Variants in EYA4 observed in about 807,000 individuals in gnomAD.
EYA4 encodes the protein EYA transcriptional coactivator and phosphatase 4, also known as protein phosphatase EYA4.
Under a neutral mutation model 87.9 loss-of-function variants are expected in EYA4, and 31 were observed. The ratio of observed to expected loss-of-function variants is 0.35; its 90% CI spans 0.27 to 0.48. The LOEUF is 0.48. Ranked by LOEUF, EYA4 falls within the 20% of genes least tolerant of loss-of-function variation. The pLI is 0.99. For missense variants in EYA4, 678 were observed against 761.4 expected, an observed-to-expected ratio of 0.89 and a Z score of 1.29; for synonymous variants, 263 against 270.6, an observed-to-expected ratio of 0.97 and a Z score of 0.28.
At chr6:133,298,782 G>T (rs184069529) in intron 2 of EYA4, among the ~76,000 whole-genome samples, 2 of 152,158 alleles carry the variant, frequency 1.3e-5, no homozygotes, top group East Asian at 3.8e-4. Flanking sequence ...AGGTCGGACC[G>T]TGTGAAACTG....
chr6:133,330,728 C>G (rs1781875274), intron 2 of EYA4, among the ~76,000 whole-genome samples: 1 of 151,816 alleles, frequency 6.6e-6, no homozygotes, highest in Non-Finnish European at 1.5e-5. Flanking sequence ...CCAGATTTGT[C>G]CCAAGTAAAT....
In EYA4 at chr6:133,359,279, C is replaced by T. The variant is rs1402006936; in HGVS notation, c.34-23113C>T. Among the ~76,000 whole-genome samples the T allele has an allele frequency of 2.6e-5, 4 of 152,144 alleles. No homozygotes were observed. The East Asian group carries it at 7.7e-4, about 29-fold the overall frequency. The stretch of plus-strand genomic sequence containing the variant: ...GGATGAAAGCTCCAGCCTCCTTTGA[C>T]CCCTAGTCCTAGGCTCTTTGTGCTG... On this transcript the variant is annotated intron_variant, in intron 2 of 19. Transcript: ENST00000355286.
At chr6:133,258,835 C>T (rs929985325) in intron 1 of EYA4, among the ~76,000 whole-genome samples, 7 of 152,112 alleles carry the variant, frequency 4.6e-5, no homozygotes, top group Non-Finnish European at 7.4e-5. Flanking sequence ...GTAGCTTAAA[C>T]GTTAGTCTTT....
At chr6:133,389,127 C>T (rs1352350201) in intron 3 of EYA4, among the ~76,000 whole-genome samples, 1 of 152,122 alleles carries the variant, frequency 6.6e-6, no homozygotes, top group Non-Finnish European at 1.5e-5. Flanking sequence ...CAGCACTCTC[C>T]CCTTCTCTAA....
chr6:133,272,386 C>A (rs1181201705), intron 1 of EYA4, among the ~76,000 whole-genome samples: 1 of 152,194 alleles, frequency 6.6e-6, no homozygotes, highest in African/African-American at 2.4e-5. Context: ...CCTTCAGGAC[C>A]TGCTCAAACC....
Position 133,531,498 on chromosome 6 carries a change from C to T in EYA4, c.*2693C>T, listed in dbSNP as rs1801007539. ...AACCAGTTTGAAAAATGTTCTGTAA[C>T]TAAAGTGGGTTTTCGGCTATTATGT... On this transcript the variant is annotated 3_prime_UTR_variant, in exon 20 of 20. Transcript: ENST00000355286. The T allele has an allele frequency of 2.2e-6, 1 of 458,312 alleles. No homozygotes were observed. Among genetic ancestry groups the T allele is most frequent in the Non-Finnish European group, 3.9e-6 (1 of 257,632 alleles). 28.4% of individuals were successfully genotyped at this position (458,312 alleles called of 1,614,324 possible). A position where few individuals can be genotyped will look rare whatever the true frequency, so the allele number is the denominator to read the frequency against.
chr6:133,414,051 G>C (rs2128547098), intron 3 of EYA4, among the ~76,000 whole-genome samples: 1 of 152,182 alleles, frequency 6.6e-6, no homozygotes, highest in Non-Finnish European at 1.5e-5. Flanking sequence ...TACTACTCCA[G>C]TTCATACCCA....
intron 3 of EYA4, among the ~76,000 whole-genome samples, chr6:133,399,022 A>G (rs1430712996): frequency 2.0e-5 from 3 of 152,188 alleles, no homozygotes; most frequent in South Asian, 2.1e-4. Context: ...AGCTAAATAT[A>G]TGCCTTCCCA....
rs537149604 is a variant in EYA4, at chr6:133,441,021, G to T, written c.84-5609G>T. Among the ~76,000 whole-genome samples the T allele has an allele frequency of 7.5e-4, 114 of 152,236 alleles. 1 individual carries two copies. The highest frequency in any genetic ancestry group is 3.4e-3 in the Middle Eastern group (1 of 294). ...CTTTTTCCTATTTGATGTTTGTGGTGCTGTAAGGCTCTGGGGTTGATGTTT... is the reference window on the plus strand; with the variant it reads ...CTTTTTCCTATTTGATGTTTGTGGTTCTGTAAGGCTCTGGGGTTGATGTTT... On this transcript the variant is annotated intron_variant, in intron 3 of 19. Transcript: ENST00000355286.
chr6:133,294,439 C>T (rs1182170708), intron 2 of EYA4, among the ~76,000 whole-genome samples: 4 of 149,740 alleles, frequency 2.7e-5, no homozygotes, highest in Non-Finnish European at 4.4e-5. Context: ...TGTTCACAGA[C>T]GCAGTTATAA....
chr6:133,521,868 A>G (rs1277454256), intron 17 of EYA4, among the ~76,000 whole-genome samples: 1 of 140,160 alleles, frequency 7.1e-6, no homozygotes, highest in Non-Finnish European at 1.5e-5. Flanking sequence ...CGCAAGAACA[A>G]AAAACCAAAC....
intron 2 of EYA4, among the ~76,000 whole-genome samples, chr6:133,276,253 C>G (rs547971764): frequency 6.6e-6 from 1 of 152,034 alleles, no homozygotes; most frequent in African/African-American, 2.4e-5. Flanking sequence ...TGTATGTGTG[C>G]GTATATGTTA....
chr6:133,513,846 T>C lies in EYA4; in HGVS notation c.1501+808T>C, dbSNP rs115021791. On this transcript the variant is annotated intron_variant, in intron 16 of 19. Coordinates refer to ENST00000355286, the MANE Select transcript of EYA4 (RefSeq NM_004100.5). Reference sequence around the variant, plus strand: ...CTTTTTTTCTAAAAAGGAAGAGTAATTGAGGAACATAAACTAGAATCCAAT... The same window carrying C: ...CTTTTTTTCTAAAAAGGAAGAGTAACTGAGGAACATAAACTAGAATCCAAT... Among the ~76,000 whole-genome samples, 1,349 of 152,270 alleles carry C rather than the reference T, an allele frequency of 8.9e-3. 26 individuals carry two copies. The highest frequency in any genetic ancestry group is 0.031 in the African/African-American group (1,290 of 41,562).
chr6:133,490,974 T>C (rs1324880455), intron 13 of EYA4, among the ~76,000 whole-genome samples: 1 of 152,124 alleles, frequency 6.6e-6, no homozygotes, highest in Non-Finnish European at 1.5e-5. Context: ...TACAAGTCTT[T>C]AAAAATTAAA....
chr6:133,308,118 C>A (rs1229909695), intron 2 of EYA4, among the ~76,000 whole-genome samples: 1 of 152,176 alleles, frequency 6.6e-6, no homozygotes, highest in Admixed American at 6.5e-5. Flanking sequence ...CCATGTGGAA[C>A]TGTGAGTCAG....
chr6:133,400,702 T>G (rs1457137796), intron 3 of EYA4, among the ~76,000 whole-genome samples: 1 of 146,686 alleles, frequency 6.8e-6, no homozygotes, highest in Non-Finnish European at 1.5e-5. Flanking sequence ...ATTGATTACC[T>G]TATTTTTTTA....
intron 2 of EYA4, among the ~76,000 whole-genome samples, chr6:133,342,250 G>A (rs1008709376): frequency 1.3e-5 from 2 of 151,046 alleles, no homozygotes; most frequent in African/African-American, 4.9e-5. Context: ...TTTTGGATCT[G>A]GTACCTACTG....
chr6:133,337,546 T>C (rs913876380), intron 2 of EYA4, among the ~76,000 whole-genome samples: 2 of 152,068 alleles, frequency 1.3e-5, no homozygotes, highest in African/African-American at 4.8e-5. Context: ...GGTTTTGCAA[T>C]CAAAATGGAA....
chr6:133,365,600 A>C (rs1053093087), intron 2 of EYA4, among the ~76,000 whole-genome samples: 2 of 152,056 alleles, frequency 1.3e-5, no homozygotes, highest in Non-Finnish European at 2.9e-5. Flanking sequence ...ATGCAGAAGG[A>C]GGAAGGGAAA....
Sources: gnomAD v4.1 joint callset for allele counts (sites outside exome capture counted in the v4.1 genomes callset) on GRCh38, gnomAD v4.1.1 for gene constraint, MANE v1.5 for transcripts, NCBI Gene and HGNC (gene_info 2026-07-23, HGNC 2026-07-21) for gene names.